The following ZSWIM6 variants were observed in gnomAD, a reference collection of about 807,000 sequenced individuals.
ZSWIM6 encodes zinc finger SWIM-type containing 6.
Under a neutral mutation model 113.2 loss-of-function variants are expected in ZSWIM6, and 9 were observed. The ratio of observed to expected loss-of-function variants is 0.08; its 90% CI spans 0.05 to 0.14. The LOEUF is 0.14. Among genes scored for constraint, ZSWIM6 ranks in the 10% least tolerant of loss-of-function variants. The probability of loss-of-function intolerance (pLI) is 1.00; values close to 1 mark genes in which losing one functional copy is unlikely to be tolerated. For missense variants in ZSWIM6, 1,162 were observed against 1,552.2 expected, an observed-to-expected ratio of 0.75 and a Z score of 4.22; for synonymous variants, 611 against 606.5, an observed-to-expected ratio of 1.01 and a Z score of -0.11.
At chr5:61,440,181 A>G (rs1040090787) in intron 1 of ZSWIM6, among the ~76,000 whole-genome samples, 15 of 152,138 alleles carry the variant, frequency 9.9e-5, no homozygotes, top group Non-Finnish European at 1.9e-4. Flanking sequence ...TAAAATGTTA[A>G]GCTCACATTT....
intron 1 of ZSWIM6, among the ~76,000 whole-genome samples, chr5:61,408,810 AAC>A (rs1393205233): frequency 2.0e-5 from 3 of 152,192 alleles, no homozygotes; most frequent in Non-Finnish European, 2.9e-5. Flanking sequence ...GGTTTGTCTG[AAC>A]TGTTTAGGAA....
intron 1 of ZSWIM6, 43 bp downstream of exon 1, chr5:61,332,991 TC>T: frequency 3.9e-6 from 1 of 254,094 alleles, no homozygotes; most frequent in Non-Finnish European, 6.3e-6. Flanking sequence ...CGTCCGTCAG[TC>T]CCTGGGTGGG....
chr5:61,444,270 CATGAACTCATCATAATTT>C (rs1245803416), intron 1 of ZSWIM6, among the ~76,000 whole-genome samples: 2 of 152,104 alleles, frequency 1.3e-5, no homozygotes, highest in African/African-American at 4.8e-5. Flanking sequence ...CTACAAAGGA[CATGAACTCATCATAATTT>C]ATGGCTGCAT....
At position 61,543,326 on chromosome 5, in the gene ZSWIM6, A is replaced by G; in HGVS notation, c.2786-129A>G. The G allele has an allele frequency of 8.9e-7, 1 of 1,123,864 alleles. No homozygotes were observed. The highest frequency in any genetic ancestry group is 2.6e-5 in the East Asian group (1 of 38,466). The allele number at this position is 1,123,864 out of a possible 1,614,324, so 69.6% of individuals were successfully genotyped here. A position where few individuals can be genotyped will look rare whatever the true frequency, so the allele number is the denominator to read the frequency against. On this transcript the variant is annotated intron_variant, in intron 13 of 13. Coordinates refer to ENST00000252744, the MANE Select transcript of ZSWIM6 (RefSeq NM_020928.2). This position sits in a 1 kb window ranked among gnomAD's most constrained non-coding sequence, Gnocchi z 4.3. ...GTTTCTCACAGGCACATTACTTTAC[A>G]GGATTTTCTAGCCTAGCTCATGTCC...
chr5:61,373,956 A>C (rs1034458104), intron 1 of ZSWIM6, among the ~76,000 whole-genome samples: 5 of 152,246 alleles, frequency 3.3e-5, no homozygotes, highest in African/African-American at 1.2e-4. Flanking sequence ...CAAATGAGAT[A>C]GTTTTTGTTA....
chr5:61,485,766 G>A (rs74902392), intron 2 of ZSWIM6, among the ~76,000 whole-genome samples: 144 of 152,016 alleles, frequency 9.5e-4, no homozygotes, highest in Non-Finnish European at 1.7e-3. Context: ...TTCATCCTCC[G>A]TATTTCAGAT....
intron 1 of ZSWIM6, among the ~76,000 whole-genome samples, chr5:61,339,158 A>T (rs1177858024): frequency 6.6e-6 from 1 of 152,194 alleles, no homozygotes; most frequent in East Asian, 1.9e-4. Flanking sequence ...GCAGTGTAGG[A>T]ATGACATGTT....
intron 1 of ZSWIM6, among the ~76,000 whole-genome samples, chr5:61,363,307 T>G (rs1745072216): frequency 6.6e-6 from 1 of 152,214 alleles, no homozygotes; most frequent in Non-Finnish European, 1.5e-5. Context: ...GGAATCAGAG[T>G]AACCTCTTGG....
intron 4 of ZSWIM6, among the ~76,000 whole-genome samples, chr5:61,506,777 CTAAA>C (rs1748632778): frequency 6.6e-6 from 1 of 151,972 alleles, no homozygotes; most frequent in Admixed American, 6.6e-5. Flanking sequence ...TTCATGGCCT[CTAAA>C]TAAGTATAAT....
rs1026368443 is a variant in ZSWIM6, at chr5:61,333,915, C to A, written c.676+967C>A. Among the ~76,000 whole-genome samples the A allele has an allele frequency of 2.6e-4, 40 of 152,220 alleles. 1 individual carries two copies. Among genetic ancestry groups the A allele is most frequent in the African/African-American group, 9.1e-4 (38 of 41,562 alleles). ...GCTCGCAGCCAAAGGGGCGAGCGGG[C>A]TGCAGGAGCGCGAGGCAGAGGGCTC... On this transcript the variant is annotated intron_variant, in intron 1 of 13. Transcript: ENST00000252744.
intron 1 of ZSWIM6, among the ~76,000 whole-genome samples, chr5:61,408,133 A>C (rs1245855267): frequency 3.3e-5 from 5 of 152,246 alleles, no homozygotes; most frequent in Non-Finnish European, 5.9e-5. Context: ...CAATTCTAAA[A>C]AAGAATAAGG....
At chr5:61,451,332 TATG>T (rs1747084221) in intron 1 of ZSWIM6, among the ~76,000 whole-genome samples, 1 of 152,236 alleles carries the variant, frequency 6.6e-6, no homozygotes, top group South Asian at 2.1e-4. Context: ...TGCTTTAAAT[TATG>T]ATCCTATTTA....
Position 61,356,616 on chromosome 5 carries a change from A to G in ZSWIM6, c.676+23668A>G, listed in dbSNP as rs1007771728. ...AAAAGAGAAAACCCTCATTCCTTAA[A>G]AACGTTGGCTTTTATAGTAATAAGC... On this transcript the variant is annotated intron_variant, in intron 1 of 13. Transcript: ENST00000252744. Among the ~76,000 whole-genome samples, 9 of 147,524 alleles carry G rather than the reference A, an allele frequency of 6.1e-5. No individual in the cohort carries two copies. In the South Asian group the frequency reaches 1.7e-3, roughly 28 times the overall value.
chr5:61,372,227 A>T (rs1315814707), intron 1 of ZSWIM6, among the ~76,000 whole-genome samples: 1 of 150,282 alleles, frequency 6.7e-6, no homozygotes, highest in South Asian at 2.1e-4. Context: ...CTTCCACCTT[A>T]AAAAAAAAGC....
chr5:61,539,428 C>T (rs985540865), intron 11 of ZSWIM6, among the ~76,000 whole-genome samples, 168 bp from the exon 12 acceptor site: 7 of 152,198 alleles, frequency 4.6e-5, no homozygotes, highest in African/African-American at 1.7e-4. Flanking sequence ...CTAGTTGTAA[C>T]ACCTGTGCCA....
intron 1 of ZSWIM6, among the ~76,000 whole-genome samples, chr5:61,366,927 CAA>C (rs34423967): frequency 3.4e-4 from 29 of 86,060 alleles, no homozygotes; most frequent in Non-Finnish European, 3.4e-4. Context: ...TCTGCTGTCT[CAA>C]AAAAAAAAAA....
intron 1 of ZSWIM6, among the ~76,000 whole-genome samples, chr5:61,388,984 A>G (rs1217041337): frequency 6.6e-6 from 1 of 152,182 alleles, no homozygotes; most frequent in African/African-American, 2.4e-5. Flanking sequence ...TTTGTAACTT[A>G]AAGTTCTGTA....
chr5:61,410,889 G>A (rs1036380182), intron 1 of ZSWIM6, among the ~76,000 whole-genome samples: 1 of 152,266 alleles, frequency 6.6e-6, no homozygotes, highest in African/African-American at 2.4e-5. Flanking sequence ...TAATCTCATC[G>A]TGTCTTAGTT....
intron 1 of ZSWIM6, among the ~76,000 whole-genome samples, chr5:61,368,179 G>A (rs1745198946): frequency 6.6e-6 from 1 of 152,132 alleles, no homozygotes; most frequent in Non-Finnish European, 1.5e-5. Flanking sequence ...GATTCAGTGA[G>A]ATTTCATGTT....
Sources: allele counts gnomAD v4.1 joint callset (sites outside exome capture counted in the v4.1 genomes callset), GRCh38; gene constraint gnomAD v4.1.1; non-coding constraint Gnocchi (gnomAD v3.1); transcripts MANE v1.5; gene names NCBI Gene and HGNC (gene_info 2026-07-23, HGNC 2026-07-21).